The following APBA2 variants were observed in gnomAD, a reference collection of about 807,000 sequenced individuals.
APBA2 encodes amyloid beta precursor protein binding family A member 2.
In APBA2, 30 loss-of-function variants were observed where a neutral mutation model predicts 75.0. That is an observed-to-expected ratio of 0.40 (90% CI 0.30 to 0.54). The LOEUF is 0.54. APBA2 is among the 20% of genes least tolerant of loss of function. The probability of loss-of-function intolerance (pLI) is 0.49; values close to 1 mark genes in which losing one functional copy is unlikely to be tolerated. For synonymous variants in APBA2, 444 were observed against 409.6 expected (o/e 1.08, Z -1.01); for missense variants, 801 against 1,016.1 (o/e 0.79, Z 2.88).
chr15:29,043,787 G>GTTCTAGGTT (rs2041169580), intron 3 of APBA2, among the ~76,000 whole-genome samples: 1 of 152,194 alleles, frequency 6.6e-6, no homozygotes, highest in East Asian at 1.9e-4. Flanking sequence ...ATCCCTTTGT[G>GTTCTAGGTT]ACCCTAAGCT....
intron 3 of APBA2, among the ~76,000 whole-genome samples, chr15:29,019,263 C>T (rs1017733131): frequency 6.6e-6 from 1 of 152,166 alleles, no homozygotes; most frequent in African/African-American, 2.4e-5. Flanking sequence ...GGCCATTCTT[C>T]GAAGGAGGAA....
At chr15:29,103,891 A>G (rs1467096638) in intron 10 of APBA2, among the ~76,000 whole-genome samples, 2 of 152,174 alleles carry the variant, frequency 1.3e-5, no homozygotes, top group Non-Finnish European at 2.9e-5. Flanking sequence ...GAGCCCCATC[A>G]GCTCGCCAAC....
chr15:28,903,121 A>T (rs907232269), intron 1 of APBA2, among the ~76,000 whole-genome samples: 1 of 152,064 alleles, frequency 6.6e-6, no homozygotes, highest in Non-Finnish European at 1.5e-5. Flanking sequence ...GCCAGGTTCC[A>T]TGGGTCTGAT....
chr15:29,117,351 G>A lies in APBA2; in HGVS notation c.*218G>A. 6.7e-6 allele frequency: 4 copies of A among 598,228 alleles called. No homozygotes were observed. The highest frequency in any genetic ancestry group is 1.2e-5 in the Non-Finnish European group (4 of 335,648). 37.1% of individuals were successfully genotyped at this position (598,228 alleles called of 1,614,324 possible). ...AGAGTCACAGAACAAATGTTTGTTT[G>A]TAAAGCGTTCCAAGTATTTTGCCAC... On this transcript the variant is annotated 3_prime_UTR_variant, in exon 15 of 15. Transcript: ENST00000683413.
chr15:28,943,723 G>T (rs2035368826), intron 2 of APBA2, among the ~76,000 whole-genome samples: 1 of 151,452 alleles, frequency 6.6e-6, no homozygotes, highest in African/African-American at 2.4e-5. Flanking sequence ...GACGCTCATC[G>T]ATGGCCCCGG....
Position 28,908,396 on chromosome 15 carries a change from C to T in APBA2, c.-204-13244C>T, listed in dbSNP as rs374940393. Among the ~76,000 whole-genome samples, 25 of 150,928 alleles carry T rather than the reference C, an allele frequency of 1.7e-4. No individual in the cohort carries two copies. The South Asian group carries it at 3.5e-3, about 21-fold the overall frequency. On this transcript the variant is annotated intron_variant, in intron 1 of 14. Coordinates refer to ENST00000683413, the MANE Select transcript of APBA2 (RefSeq NM_001353788.2). ...CGCAATCTCGGCTCACTGCAAGCTC[C>T]GCCTCCCAGGTTCACGCCATTCTCC...
chr15:29,099,251 G>A (rs1011398258), intron 9 of APBA2, among the ~76,000 whole-genome samples: 1 of 152,164 alleles, frequency 6.6e-6, no homozygotes, highest in Non-Finnish European at 1.5e-5. Context: ...ACCTGTGCTG[G>A]GTGTCCCCAA....
intron 3 of APBA2, among the ~76,000 whole-genome samples, chr15:29,023,441 C>CTTTTTTTTTTTT (rs10604525): frequency 5.5e-5 from 4 of 73,290 alleles, no homozygotes; most frequent in Non-Finnish European, 7.2e-5. Flanking sequence ...TACCTTTTTC[C>CTTTTTTTTTTTT]TTTTTTTTTT....
chr15:29,101,634 C>G lies in APBA2; in HGVS notation c.1374C>G (p.Ser458=), dbSNP rs1595970249. 1 of 1,613,702 alleles carries G rather than the reference C, an allele frequency of 6.2e-7. No homozygotes were observed. The change falls in exon 10 of 15, where the codon TCC becomes TCG. Residue 458 remains serine (S), a synonymous_variant. Coordinates refer to ENST00000683413, the MANE Select transcript of APBA2 (RefSeq NM_001353788.2). ...TGGACCACGCCTTGCGTACCATCTC[C>G]TACATCGCCGACATTGGGAACATTG... ...TMMDHALRTI[S]YIADIGNIVV...
intron 4 of APBA2, among the ~76,000 whole-genome samples, chr15:29,060,533 G>A (rs2042087442): frequency 1.3e-5 from 2 of 152,166 alleles, no homozygotes; most frequent in South Asian, 4.1e-4. Context: ...GAGAGTGATG[G>A]TCTCTTCTCC....
intron 4 of APBA2, among the ~76,000 whole-genome samples, 169 bp downstream of exon 4, chr15:29,055,004 G>C (rs1595849793): frequency 6.6e-6 from 1 of 152,168 alleles, no homozygotes; most frequent in African/African-American, 2.4e-5. Flanking sequence ...ATGTTGCGTG[G>C]ATGCTCCGGC....
intron 2 of APBA2, among the ~76,000 whole-genome samples, chr15:28,968,769 C>T (rs73368749): frequency 0.025 from 3,847 of 152,268 alleles, 164 homozygotes; most frequent in East Asian, 0.17. Context: ...AGGGCAGGCC[C>T]TAATCCAGCA....
intron 3 of APBA2, among the ~76,000 whole-genome samples, chr15:29,015,776 C>T (rs1423263237): frequency 4.6e-5 from 7 of 152,128 alleles, no homozygotes. Flanking sequence ...TGTGGGGGGA[C>T]AAGAGTGAAG....
At chr15:28,992,492 G>A (rs1387606606) in intron 2 of APBA2, among the ~76,000 whole-genome samples, 2 of 152,234 alleles carry the variant, frequency 1.3e-5, no homozygotes, top group African/African-American at 4.8e-5. Flanking sequence ...GTGGTATCCT[G>A]TGAGAAAATT....
At chr15:28,999,403 G>A (rs74007027) in intron 3 of APBA2, among the ~76,000 whole-genome samples, 5,251 of 152,150 alleles carry the variant, frequency 0.035, 306 homozygotes, top group African/African-American at 0.12. Context: ...AAAGACAATA[G>A]AATTGAAAAA....
chr15:29,087,051 C>T (rs16955048), intron 6 of APBA2, among the ~76,000 whole-genome samples: 4,766 of 151,650 alleles, frequency 0.031, 254 homozygotes, highest in African/African-American at 0.11. Context: ...TCCATCTTGC[C>T]TTCTTCACTT....
intron 2 of APBA2, among the ~76,000 whole-genome samples, chr15:28,941,502 C>CA (rs72376564): frequency 0.025 from 1,466 of 58,522 alleles, 10 homozygotes; most frequent in Non-Finnish European, 0.028. Context: ...ACTTGGGAGG[C>CA]AAAAAAAAAA....
rs972002582 is a variant in APBA2, at chr15:29,096,046, C to T, written c.1251+1733C>T. On this transcript the variant is annotated intron_variant, in intron 8 of 14. Transcript: ENST00000683413. Reference sequence around the variant, plus strand: ...CAGACCCAGCTCAAAAAGGCCTCTGCGGCCAGTCAGGTGGCCGCCTGATTA... The same window carrying T: ...CAGACCCAGCTCAAAAAGGCCTCTGTGGCCAGTCAGGTGGCCGCCTGATTA... Among the ~76,000 whole-genome samples, 38 of 152,320 alleles carry T rather than the reference C, an allele frequency of 2.5e-4. 1 individual carries two copies. Among genetic ancestry groups the T allele is most frequent in the Admixed American group, 1.3e-3 (20 of 15,308 alleles).
At chr15:29,039,098 GGTGTGTGTGTGTGT>G (rs57326919) in intron 3 of APBA2, among the ~76,000 whole-genome samples, 9,095 of 106,282 alleles carry the variant, frequency 0.086, 319 homozygotes, top group Middle Eastern at 0.13. Context: ...TGTATGTCAG[GGTGTGTGTGTGTGT>G]GTGTGTGTGT....
Sources: gnomAD v4.1 joint callset for allele counts (sites outside exome capture counted in the v4.1 genomes callset) on GRCh38, gnomAD v4.1.1 for gene constraint, MANE v1.5 for transcripts, NCBI Gene and HGNC (gene_info 2026-07-23, HGNC 2026-07-21) for gene names.